The following GPC5 variants were observed in gnomAD, a reference collection of about 807,000 sequenced individuals.
GPC5 encodes glypican 5.
A neutral mutation model predicts 53.9 loss-of-function variants in GPC5; 47 were observed. The ratio of observed to expected loss-of-function variants is 0.87; its 90% CI spans 0.69 to 1.11. The LOEUF (loss-of-function observed/expected upper bound fraction) is 1.11. Among genes scored for constraint, GPC5 ranks in the 50% most tolerant of loss-of-function variants. The pLI is 0.00. For missense variants in GPC5, 748 were observed against 713.1 expected, an observed-to-expected ratio of 1.05 and a Z score of -0.56; for synonymous variants, 286 against 263.3, an observed-to-expected ratio of 1.09 and a Z score of -0.84.
At chr13:91,672,041 T>C (rs1025620816) in intron 2 of GPC5, among the ~76,000 whole-genome samples, 5 of 152,108 alleles carry the variant, frequency 3.3e-5, no homozygotes, top group Non-Finnish European at 5.9e-5. Context: ...GCTAGCCATA[T>C]GCAGAAAACT....
chr13:91,514,747 G>A (rs974816732), intron 2 of GPC5, among the ~76,000 whole-genome samples: 1 of 152,068 alleles, frequency 6.6e-6, no homozygotes, highest in Non-Finnish European at 1.5e-5. Flanking sequence ...CTCTGGCTTA[G>A]TTTTACTTGC....
At chr13:92,833,914 A>G (rs1342018707) in intron 7 of GPC5, among the ~76,000 whole-genome samples, 1 of 152,196 alleles carries the variant, frequency 6.6e-6, no homozygotes, top group Non-Finnish European at 1.5e-5. Flanking sequence ...AAGGCTTTGT[A>G]AAACATAAGA....
At position 92,657,095 on chromosome 13, in the gene GPC5, C is replaced by T. The variant is rs568016707; in HGVS notation, c.1562-209187C>T. On this transcript the variant is annotated intron_variant, in intron 7 of 7. Coordinates refer to ENST00000377067, the MANE Select transcript of GPC5 (RefSeq NM_004466.6). ...ATTTTAAGTAAATTTTAAAAATTAA[C>T]ATGAATAGTCTTTGCTCTCATTAGA... is the stretch of plus-strand genomic sequence containing the variant. Among the ~76,000 whole-genome samples, 4 of 152,222 alleles carry T rather than the reference C, an allele frequency of 2.6e-5. No homozygotes were observed. The South Asian group carries it at 8.3e-4, about 32-fold the overall frequency.
chr13:91,818,961 T>C (rs944910333), intron 5 of GPC5, among the ~76,000 whole-genome samples: 1 of 151,804 alleles, frequency 6.6e-6, no homozygotes, highest in African/African-American at 2.4e-5. Context: ...AAAACATATA[T>C]GTGGCATTTA....
At chr13:91,625,930 C>G (rs906972353) in intron 2 of GPC5, among the ~76,000 whole-genome samples, 2 of 152,060 alleles carry the variant, frequency 1.3e-5, no homozygotes, top group African/African-American at 2.4e-5. Context: ...AATCTATTAT[C>G]TTATCCAATT....
intron 2 of GPC5, among the ~76,000 whole-genome samples, chr13:91,681,731 G>T (rs1009399394): frequency 1.3e-5 from 2 of 152,070 alleles, no homozygotes; most frequent in Non-Finnish European, 2.9e-5. Flanking sequence ...ATGCAGTTTT[G>T]TACTTCATAA....
At chr13:92,160,245 T>TCTATATACCAATTC (rs2041977349) in intron 7 of GPC5, among the ~76,000 whole-genome samples, 1 of 152,132 alleles carries the variant, frequency 6.6e-6, no homozygotes, top group African/African-American at 2.4e-5. Context: ...CTCTTAAAGG[T>TCTATATACCAATTC]CTATATACCA....
chr13:92,116,851 A>G (rs1053481329), intron 6 of GPC5, among the ~76,000 whole-genome samples: 6 of 152,184 alleles, frequency 3.9e-5, no homozygotes, highest in Non-Finnish European at 5.9e-5. Flanking sequence ...ATATTTTGTA[A>G]TTGAAATATG....
chr13:92,381,473 T>G (rs1401734311), intron 7 of GPC5, among the ~76,000 whole-genome samples: 2 of 152,146 alleles, frequency 1.3e-5, no homozygotes, highest in Non-Finnish European at 1.5e-5. Context: ...CCTGCAAGTT[T>G]GGCCATAATC....
intron 1 of GPC5, among the ~76,000 whole-genome samples, chr13:91,402,191 TA>T (rs1472264188): frequency 6.6e-6 from 1 of 152,192 alleles, no homozygotes; most frequent in African/African-American, 2.4e-5. Flanking sequence ...ATATACCAAC[TA>T]TTTTTTGAAA....
At chr13:92,159,984 C>A (rs2139004579) in intron 7 of GPC5, among the ~76,000 whole-genome samples, 1 of 151,954 alleles carries the variant, frequency 6.6e-6, no homozygotes, top group East Asian at 1.9e-4. Context: ...TTCACTGCAA[C>A]CTCTGCCTCC....
At chr13:92,643,658 A>C (rs1197173807) in intron 7 of GPC5, among the ~76,000 whole-genome samples, 1 of 145,070 alleles carries the variant, frequency 6.9e-6, no homozygotes, top group Admixed American at 7.0e-5. Flanking sequence ...ATTCTCACTC[A>C]TAGGTGGGAA....
intron 2 of GPC5, among the ~76,000 whole-genome samples, chr13:91,598,279 T>C (rs1291799443): frequency 2.0e-5 from 3 of 152,066 alleles, no homozygotes; most frequent in Non-Finnish European, 2.9e-5. Flanking sequence ...CCAGTGACGA[T>C]GCACTTTTTA....
chr13:91,625,487 C>T (rs9589314), intron 2 of GPC5, among the ~76,000 whole-genome samples: 32,694 of 151,850 alleles, frequency 0.22, 4,056 homozygotes, highest in African/African-American at 0.34. Flanking sequence ...GCTATTATCT[C>T]TAGTCATTTA....
chr13:92,137,966 A>G (rs1456374398), intron 6 of GPC5, among the ~76,000 whole-genome samples: 5 of 152,154 alleles, frequency 3.3e-5, no homozygotes, highest in Non-Finnish European at 5.9e-5. Flanking sequence ...TAAAAAATGC[A>G]TCATTCTGGT....
intron 6 of GPC5, among the ~76,000 whole-genome samples, chr13:92,128,068 T>G (rs2041714019): frequency 1.3e-5 from 2 of 152,168 alleles, no homozygotes; most frequent in African/African-American, 4.8e-5. Context: ...TCCTCTCCTT[T>G]GATATTTACC....
At chr13:91,626,784 A>T (rs898979159) in intron 2 of GPC5, among the ~76,000 whole-genome samples, 1 of 151,900 alleles carries the variant, frequency 6.6e-6, no homozygotes, top group Non-Finnish European at 1.5e-5. Context: ...CTCGTCATTT[A>T]CATTAGGTAT....
chr13:91,728,391 A>T, intron 3 of GPC5, 141 bp from the exon 4 acceptor site: 1 of 591,678 alleles, frequency 1.7e-6, no homozygotes, highest in East Asian at 3.2e-5. Flanking sequence ...ATTGACAAAC[A>T]TTATATATAC....
chr13:92,631,202 T>C (rs1351276493), intron 7 of GPC5, among the ~76,000 whole-genome samples: 1 of 152,126 alleles, frequency 6.6e-6, no homozygotes. Context: ...GTTATTAAAA[T>C]GTAAAATTTT....
Sources: allele counts gnomAD v4.1 joint callset (sites outside exome capture counted in the v4.1 genomes callset), GRCh38; gene constraint gnomAD v4.1.1; transcripts MANE v1.5; gene names NCBI Gene and HGNC (gene_info 2026-07-23, HGNC 2026-07-21).